The following RORA variants were observed in gnomAD, a reference collection of about 807,000 sequenced individuals.
RORA encodes nuclear receptor ROR-alpha.
In RORA, 7 loss-of-function variants were observed where a neutral mutation model predicts 69.5. That is an observed-to-expected ratio of 0.10 (90% CI 0.06 to 0.19). The LOEUF (loss-of-function observed/expected upper bound fraction) is 0.19, where lower values mean the gene tolerates loss of function less well. Ranked by LOEUF, RORA falls within the 10% of genes least tolerant of loss-of-function variation. The pLI, the probability that RORA is intolerant of heterozygous loss-of-function variation, is 1.00. For synonymous variants in RORA, 261 were observed against 240.8 expected, an observed-to-expected ratio of 1.08 and a Z score of -0.78; for missense variants, 457 against 663.0, an observed-to-expected ratio of 0.69 and a Z score of 3.41.
chr15:60,999,140 T>A (rs1197320039), intron 1 of RORA, among the ~76,000 whole-genome samples: 4 of 152,236 alleles, frequency 2.6e-5, no homozygotes, highest in Non-Finnish European at 5.9e-5. Context: ...AGCAGTGGAA[T>A]TCTTTTTGAA....
intron 2 of RORA, among the ~76,000 whole-genome samples, chr15:60,587,705 G>A (rs1254977121): frequency 6.6e-6 from 1 of 152,130 alleles, no homozygotes; most frequent in African/African-American, 2.4e-5. Flanking sequence ...TTTAAAAAAT[G>A]AAATAACTGG....
At chr15:61,054,152 T>C (rs1334504861) in intron 1 of RORA, among the ~76,000 whole-genome samples, 1 of 152,032 alleles carries the variant, frequency 6.6e-6, no homozygotes, top group Non-Finnish European at 1.5e-5. Context: ...TGATGACGAA[T>C]AAATGGAAAT....
intron 1 of RORA, among the ~76,000 whole-genome samples, chr15:60,737,494 T>C (rs985273131): frequency 8.5e-5 from 13 of 152,174 alleles, no homozygotes; most frequent in Non-Finnish European, 1.8e-4. Flanking sequence ...AAATGCCAGT[T>C]CTTGGGTCCC....
At chr15:60,846,577 A>C (rs341405) in intron 1 of RORA, among the ~76,000 whole-genome samples, 151,865 of 152,294 alleles carry the variant, frequency 1, 75,718 homozygotes, top group Middle Eastern at 1. Flanking sequence ...GCGCTAAAGC[A>C]CCAAAGCACT....
intron 1 of RORA, among the ~76,000 whole-genome samples, chr15:61,100,359 A>T (rs2078861635): frequency 6.6e-6 from 1 of 152,110 alleles, no homozygotes; most frequent in Non-Finnish European, 1.5e-5. Context: ...ACCTCAGATG[A>T]TCTACCCTCT....
chr15:60,505,483 G>C, intron 6 of RORA, 25 bp downstream of exon 6: 1 of 1,612,256 alleles, frequency 6.2e-7, no homozygotes, highest in Non-Finnish European at 8.5e-7. Context: ...CTCAATCCTA[G>C]GAGGAAAAAT....
rs759150425 is a variant in RORA at position 60,505,482 on chromosome 15, A to C, written c.942+26T>G. The C allele has an allele frequency of 2.5e-6, 4 of 1,612,370 alleles. No homozygotes were observed. In the East Asian group the frequency reaches 8.9e-5, roughly 36 times the overall value. ...CCCTTCCCAATATTGCCTCAATCCT[A>C]GGAGGAAAAATTCCTCAGATCATAC... On this transcript the variant is annotated intron_variant, in intron 6 of 10. Transcript: ENST00000335670.
At chr15:60,625,708 T>C (rs2069557816) in intron 2 of RORA, among the ~76,000 whole-genome samples, 1 of 152,218 alleles carries the variant, frequency 6.6e-6, no homozygotes, top group African/African-American at 2.4e-5. Flanking sequence ...ATGCAGACAG[T>C]GTGTACAAAC....
chr15:61,179,988 A>AC (rs1172280471), intron 1 of RORA, among the ~76,000 whole-genome samples: 7 of 151,402 alleles, frequency 4.6e-5, no homozygotes, highest in East Asian at 3.9e-4. Context: ...AAAAAAACAA[A>AC]AAAAAAATAG....
intron 1 of RORA, among the ~76,000 whole-genome samples, chr15:60,928,079 C>T (rs1175875974): frequency 6.6e-6 from 1 of 152,164 alleles, no homozygotes; most frequent in Admixed American, 6.5e-5. Flanking sequence ...CTCCAGGTCA[C>T]ATTCCCTGGC....
intron 1 of RORA, among the ~76,000 whole-genome samples, chr15:61,205,336 C>T (rs995717805): frequency 6.6e-6 from 1 of 152,178 alleles, no homozygotes; most frequent in African/African-American, 2.4e-5. Flanking sequence ...GATATGTCCA[C>T]CTTGCGTTCA....
chr15:61,192,832 A>C (rs952530982), intron 1 of RORA, among the ~76,000 whole-genome samples: 11 of 152,188 alleles, frequency 7.2e-5, no homozygotes, highest in Admixed American at 6.5e-4. Flanking sequence ...ATCTCAGTCT[A>C]CATTTTCTAA....
At chr15:60,516,235 TTATATATATATA>T (rs376358835) in intron 3 of RORA, among the ~76,000 whole-genome samples, 1 of 40,376 alleles carries the variant, frequency 2.5e-5, no homozygotes, top group Non-Finnish European at 3.9e-5. Context: ...ATATATATAT[TTATATATATATA>T]TTTATATATA....
Position 60,728,135 on chromosome 15 carries a change from TC to T in RORA, c.167-49450del, listed in dbSNP as rs372412500. On this transcript the variant is annotated intron_variant, in intron 1 of 10. Coordinates refer to ENST00000335670, the MANE Select transcript of RORA (RefSeq NM_134261.3). ...TGGAACTGAAAACCTTACTTCTACT[TC>T]CCATCCGGGTGACTATTCTTCATGT... Among the ~76,000 whole-genome samples, 343 of 152,290 alleles carry T rather than the reference TC, an allele frequency of 2.3e-3. 3 individuals carry two copies. The highest frequency in any genetic ancestry group is 8.0e-3 in the African/African-American group (331 of 41,550).
intron 1 of RORA, among the ~76,000 whole-genome samples, chr15:61,008,720 C>T (rs967411219): frequency 2.6e-5 from 4 of 151,850 alleles, no homozygotes; most frequent in African/African-American, 9.7e-5. Context: ...TTACTTGATT[C>T]CATTAGAAAA....
At chr15:60,930,582 G>T (rs545525817) in intron 1 of RORA, among the ~76,000 whole-genome samples, 73 of 152,298 alleles carry the variant, frequency 4.8e-4, no homozygotes, top group African/African-American at 1.7e-3. Context: ...AACACTTCCG[G>T]ACACCAGCCA....
chr15:60,775,906 C>T (rs953201007), intron 1 of RORA, among the ~76,000 whole-genome samples: 2 of 152,156 alleles, frequency 1.3e-5, no homozygotes, highest in Admixed American at 6.5e-5. Flanking sequence ...AGGGGAAAAA[C>T]ATCTCCTACC....
intron 1 of RORA, among the ~76,000 whole-genome samples, chr15:61,170,972 G>A (rs894843161): frequency 6.6e-6 from 1 of 152,132 alleles, no homozygotes; most frequent in African/African-American, 2.4e-5. Context: ...AGATGTTACC[G>A]CCTTACTTTA....
At position 61,144,075 on chromosome 15, in the gene RORA, C is replaced by A. The variant is rs186246810; in HGVS notation, c.166+84978G>T. Reference sequence around the variant, plus strand: ...TCCCTTCAAGTCTCTAAGGAAAGAACAAGAACCTTGTGTAAAAATGGGTAG... The same window carrying A: ...TCCCTTCAAGTCTCTAAGGAAAGAAAAAGAACCTTGTGTAAAAATGGGTAG... On this transcript the variant is annotated intron_variant, in intron 1 of 10. Coordinates refer to ENST00000335670, the MANE Select transcript of RORA (RefSeq NM_134261.3). 3.8e-3 allele frequency among the ~76,000 whole-genome samples: 572 copies of A among 152,266 alleles called. 2 individuals are homozygous for A. The highest frequency in any genetic ancestry group is 6.9e-3 in the Non-Finnish European group (472 of 68,014).
Sources: gnomAD v4.1 joint callset for allele counts (sites outside exome capture counted in the v4.1 genomes callset) on GRCh38, gnomAD v4.1.1 for gene constraint, MANE v1.5 for transcripts, NCBI Gene and HGNC (gene_info 2026-07-23, HGNC 2026-07-21) for gene names.